The following LHFPL2 variants were observed in gnomAD, a reference collection of about 807,000 sequenced individuals.
LHFPL2 encodes LHFPL tetraspan subfamily member 2 protein.
Under a neutral mutation model 17.5 loss-of-function variants are expected in LHFPL2, and 7 were observed. The observed-to-expected ratio is 0.40, with a 90% CI of 0.23 to 0.75. The LOEUF (loss-of-function observed/expected upper bound fraction) is 0.75. Ranked by LOEUF, LHFPL2 falls within the 30% of genes least tolerant of loss-of-function variation. The probability of loss-of-function intolerance (pLI) is 0.37; values close to 1 mark genes in which losing one functional copy is unlikely to be tolerated. For synonymous variants in LHFPL2, 134 were observed against 116.2 expected (o/e 1.15, Z -0.99); for missense variants, 241 against 294.8 (o/e 0.82, Z 1.34).
chr5:78,559,822 C>A (rs938032301), intron 3 of LHFPL2, among the ~76,000 whole-genome samples: 1 of 152,186 alleles, frequency 6.6e-6, no homozygotes, highest in African/African-American at 2.4e-5. Flanking sequence ...AGATCAGTAT[C>A]ATAACAATTA....
chr5:78,570,553 AT>A (rs1756970286), intron 2 of LHFPL2, among the ~76,000 whole-genome samples: 1 of 151,622 alleles, frequency 6.6e-6, no homozygotes, highest in South Asian at 2.1e-4. Context: ...TGTATAGGCA[AT>A]TCTGAGAAAC....
chr5:78,596,374 G>A (rs931136367), intron 2 of LHFPL2, among the ~76,000 whole-genome samples: 1 of 152,206 alleles, frequency 6.6e-6, no homozygotes. Context: ...TCTGATAAAA[G>A]AGTAAAGCAT....
intron 2 of LHFPL2, among the ~76,000 whole-genome samples, chr5:78,580,081 G>C (rs1419988590): frequency 6.6e-6 from 1 of 152,148 alleles, no homozygotes; most frequent in Non-Finnish European, 1.5e-5. Flanking sequence ...GTTTTGATTT[G>C]CATTTCTCTG....
chr5:78,528,631 A>G (rs1269162427), intron 3 of LHFPL2, among the ~76,000 whole-genome samples: 1 of 152,230 alleles, frequency 6.6e-6, no homozygotes, highest in East Asian at 1.9e-4. Flanking sequence ...TTCTGCAGCA[A>G]TAACTAACAA....
At chr5:78,631,582 G>T (rs1002074338) in intron 2 of LHFPL2, among the ~76,000 whole-genome samples, 1 of 152,182 alleles carries the variant, frequency 6.6e-6, no homozygotes, top group African/African-American at 2.4e-5. Flanking sequence ...CATTCATTTT[G>T]CTGCGAAGCA....
chr5:78,617,608 C>T (rs1048441458), intron 2 of LHFPL2, among the ~76,000 whole-genome samples: 1 of 151,864 alleles, frequency 6.6e-6, no homozygotes, highest in Non-Finnish European at 1.5e-5. Flanking sequence ...GGATTTAGGA[C>T]AAGCCGATCT....
intron 4 of LHFPL2, 47 bp from the exon 5 acceptor site, chr5:78,489,200 C>T (rs1032961222): frequency 9.3e-6 from 15 of 1,605,308 alleles, no homozygotes; most frequent in Non-Finnish European, 1.3e-5. Context: ...CATGGTGCTA[C>T]AACTGTCCAG....
intron 3 of LHFPL2, among the ~76,000 whole-genome samples, chr5:78,526,828 C>A (rs1432413493): frequency 2.6e-5 from 4 of 152,178 alleles, no homozygotes; most frequent in Non-Finnish European, 5.9e-5. Flanking sequence ...CTACACAGCA[C>A]CCTCCATGTG....
chr5:78,498,714 C>G (rs1179193818), intron 4 of LHFPL2, among the ~76,000 whole-genome samples: 2 of 152,134 alleles, frequency 1.3e-5, no homozygotes, highest in African/African-American at 2.4e-5. Context: ...CAGTACTGAT[C>G]CTTACTCACC....
At chr5:78,523,340 A>G (rs1402016910) in intron 3 of LHFPL2, among the ~76,000 whole-genome samples, 1 of 152,146 alleles carries the variant, frequency 6.6e-6, no homozygotes, top group Admixed American at 6.5e-5. Context: ...GAGGAACTAG[A>G]ATGACCCTTA....
At chr5:78,609,625 C>T (rs1037170780) in intron 2 of LHFPL2, among the ~76,000 whole-genome samples, 16 of 152,010 alleles carry the variant, frequency 1.1e-4, no homozygotes, top group African/African-American at 3.9e-4. Context: ...CTGATATGAT[C>T]TCATACCTAA....
intron 1 of LHFPL2, among the ~76,000 whole-genome samples, chr5:78,639,297 C>T (rs1187456508): frequency 1.3e-5 from 2 of 152,122 alleles, no homozygotes; most frequent in Admixed American, 1.3e-4. Flanking sequence ...CTCATGCTGC[C>T]CTTTCTTTAC....
intron 2 of LHFPL2, among the ~76,000 whole-genome samples, chr5:78,609,933 C>T (rs946104806): frequency 2.0e-5 from 3 of 152,050 alleles, no homozygotes; most frequent in South Asian, 2.1e-4. Flanking sequence ...TCAGAAGCTC[C>T]GAATGGAAAC....
intron 2 of LHFPL2, among the ~76,000 whole-genome samples, chr5:78,600,520 G>A (rs1457573227): frequency 2.0e-5 from 3 of 152,134 alleles, no homozygotes; most frequent in Admixed American, 1.3e-4. Context: ...CCTGAGGTCA[G>A]GAGTTCAAGA....
chr5:78,568,678 A>C (rs1756920609), intron 2 of LHFPL2, among the ~76,000 whole-genome samples: 2 of 152,214 alleles, frequency 1.3e-5, no homozygotes, highest in African/African-American at 4.8e-5. Flanking sequence ...GAGGTGGTCC[A>C]GGTTGCCTCT....
chr5:78,502,179 T>C (rs2112307453), intron 4 of LHFPL2, among the ~76,000 whole-genome samples: 1 of 152,316 alleles, frequency 6.6e-6, no homozygotes, highest in South Asian at 2.1e-4. Context: ...AATCAGAGCA[T>C]AGTTGTCATA....
Position 78,618,291 on chromosome 5 carries a change from GA to G in LHFPL2, c.-245+13972del, listed in dbSNP as rs775889653. Among the ~76,000 whole-genome samples, 7 of 152,304 alleles carry G rather than the reference GA, an allele frequency of 4.6e-5. No individual in the cohort carries two copies. In the East Asian group the frequency reaches 1.3e-3, roughly 29 times the overall value. On this transcript the variant is annotated intron_variant, in intron 2 of 4. Transcript: ENST00000380345. ...AGTTTTTATAAGAGCACCAGATGAAGAGGTTGATTTTATTTTTTAGGGGTCA... is the reference window on the plus strand; with the variant it reads ...AGTTTTTATAAGAGCACCAGATGAAGGGTTGATTTTATTTTTTAGGGGTCA...
intron 2 of LHFPL2, among the ~76,000 whole-genome samples, chr5:78,578,990 AG>A (rs1177785318): frequency 6.6e-6 from 1 of 152,202 alleles, no homozygotes; most frequent in Non-Finnish European, 1.5e-5. Flanking sequence ...CTATTCACCA[AG>A]AGCTGTGGTT....
At chr5:78,631,591 C>CA (rs751685785) in intron 2 of LHFPL2, among the ~76,000 whole-genome samples, 6 of 151,454 alleles carry the variant, frequency 4.0e-5, no homozygotes, top group Non-Finnish European at 8.8e-5. Flanking sequence ...TGCTGCGAAG[C>CA]AAAAAAAGGT....
Sources: allele counts gnomAD v4.1 joint callset (sites outside exome capture counted in the v4.1 genomes callset), GRCh38; gene constraint gnomAD v4.1.1; transcripts MANE v1.5; gene names NCBI Gene and HGNC (gene_info 2026-07-23, HGNC 2026-07-21).